The following PTPRM variants were observed in gnomAD, a reference collection of about 807,000 sequenced individuals.
PTPRM encodes the protein protein tyrosine phosphatase receptor type M.
In PTPRM, 47 loss-of-function variants were observed where a neutral mutation model predicts 186.7. The observed-to-expected ratio is 0.25, with a 90% confidence interval of 0.20 to 0.32. The LOEUF (loss-of-function observed/expected upper bound fraction) is 0.32. PTPRM is among the 10% of genes least tolerant of loss of function. The pLI, the probability that PTPRM is intolerant of heterozygous loss-of-function variation, is 1.00. For synonymous variants in PTPRM, 668 were observed against 674.9 expected, an observed-to-expected ratio of 0.99 and a Z score of 0.16; for missense variants, 1,494 against 1,865.0, an observed-to-expected ratio of 0.80 and a Z score of 3.66.
chr18:7,590,765 T>C (rs2037104873), intron 1 of PTPRM, among the ~76,000 whole-genome samples: 1 of 152,220 alleles, frequency 6.6e-6, no homozygotes, highest in Admixed American at 6.5e-5. Flanking sequence ...TTATTTAACA[T>C]GTTTATTGAA....
At chr18:8,178,804 T>TAATAAAATAA (rs146632669) in intron 14 of PTPRM, among the ~76,000 whole-genome samples, 5 of 150,988 alleles carry the variant, frequency 3.3e-5, no homozygotes, top group South Asian at 2.1e-4. Context: ...ATAATAATAA[T>TAATAAAATAA]AAAATAAAAA....
intron 19 of PTPRM, among the ~76,000 whole-genome samples, chr18:8,272,681 C>T (rs2094787481): frequency 6.6e-6 from 1 of 152,046 alleles, no homozygotes; most frequent in African/African-American, 2.4e-5. Context: ...ACATTCATTG[C>T]AATTTGTGAA....
chr18:7,791,928 AT>A (rs2043362947), intron 2 of PTPRM, among the ~76,000 whole-genome samples: 1 of 152,188 alleles, frequency 6.6e-6, no homozygotes, highest in Non-Finnish European at 1.5e-5. Context: ...CCTAAGCTTT[AT>A]ATTATTAAAC....
intron 22 of PTPRM, among the ~76,000 whole-genome samples, chr18:8,341,691 C>G (rs1371222940): frequency 2.6e-5 from 4 of 152,044 alleles, no homozygotes; most frequent in South Asian, 2.1e-4. Context: ...AGCCCCCCCC[C>G]CTTTGATTCA....
chr18:8,258,866 CAA>C (rs879602950), intron 19 of PTPRM, among the ~76,000 whole-genome samples: 2 of 139,100 alleles, frequency 1.4e-5, no homozygotes. Flanking sequence ...TCCTATTCTT[CAA>C]AAAAAAAAAA....
chr18:7,764,564 A>G (rs999146271), intron 1 of PTPRM, among the ~76,000 whole-genome samples: 8 of 152,204 alleles, frequency 5.3e-5, no homozygotes, highest in Admixed American at 1.3e-4. Context: ...ATTACCAAAC[A>G]TTAGAGTGCA....
At chr18:8,347,625 A>G (rs904825559) in intron 23 of PTPRM, among the ~76,000 whole-genome samples, 4 of 152,164 alleles carry the variant, frequency 2.6e-5, no homozygotes, top group Non-Finnish European at 4.4e-5. Flanking sequence ...CGTCACATCC[A>G]GGGTAGTCAC....
intron 2 of PTPRM, among the ~76,000 whole-genome samples, chr18:7,782,106 A>G (rs1184220779): frequency 6.6e-6 from 1 of 152,192 alleles, no homozygotes; most frequent in Non-Finnish European, 1.5e-5. Flanking sequence ...TAGAAAAATA[A>G]CTTTAGATGA....
chr18:7,702,719 T>C (rs1479789549), intron 1 of PTPRM, among the ~76,000 whole-genome samples: 6 of 152,246 alleles, frequency 3.9e-5, no homozygotes, highest in Admixed American at 3.9e-4. Flanking sequence ...TTGTCGATTT[T>C]GGCATTTGTT....
At chr18:8,399,592 G>A (rs2095861519) in intron 32 of PTPRM, 1 of 152,236 alleles carries the variant, frequency 6.6e-6, no homozygotes, top group South Asian at 2.1e-4. Flanking sequence ...CATGTCCCAA[G>A]AGTTATCTTG....
intron 31 of PTPRM, 80 bp from the exon 32 acceptor site, chr18:8,394,396 G>A (rs1035637159): frequency 2.0e-6 from 3 of 1,470,546 alleles, no homozygotes; most frequent in African/African-American, 1.4e-5. Context: ...CCAGGGTTTA[G>A]ACAGCTTGTT....
At chr18:8,385,885 G>A (rs2095769140) in intron 30 of PTPRM, among the ~76,000 whole-genome samples, 1 of 152,202 alleles carries the variant, frequency 6.6e-6, no homozygotes, top group South Asian at 2.1e-4. Flanking sequence ...ACAGTGATAG[G>A]AGAGGAGATC....
At chr18:8,240,640 AG>A (rs2094412986) in intron 14 of PTPRM, among the ~76,000 whole-genome samples, 1 of 39,384 alleles carries the variant, frequency 2.5e-5, no homozygotes, top group Non-Finnish European at 5.5e-5. Context: ...AGAGAGAGAG[AG>A]AGAGAGAGAG....
Position 7,609,791 on chromosome 18 carries a change from T to A in PTPRM, c.73+41900T>A, listed in dbSNP as rs188653587. 7.0e-4 allele frequency among the ~76,000 whole-genome samples: 107 copies of A among 152,230 alleles called. 2 individuals are homozygous for A. Among genetic ancestry groups the A allele is most frequent in the Non-Finnish European group, 8.8e-5 (6 of 68,034 alleles). On this transcript the variant is annotated intron_variant, in intron 1 of 32. Coordinates refer to ENST00000580170, the MANE Select transcript of PTPRM (RefSeq NM_001105244.2). ...TTAGCCTTGAGTTAGGGAGAGTATT[T>A]CCACAGAGGTGAGAAGGTAGTTCCC...
At chr18:8,235,694 A>C (rs1361922360) in intron 14 of PTPRM, among the ~76,000 whole-genome samples, 3 of 151,826 alleles carry the variant, frequency 2.0e-5, no homozygotes, top group African/African-American at 7.3e-5. Flanking sequence ...CTTTTTGTCT[A>C]ATATGTGCAT....
intron 7 of PTPRM, among the ~76,000 whole-genome samples, chr18:8,066,805 T>C (rs113757038): frequency 5.3e-5 from 8 of 152,322 alleles, no homozygotes; most frequent in African/African-American, 1.9e-4. Flanking sequence ...ATAGGCAATT[T>C]AGAGCCTTTG....
At chr18:8,043,834 G>A (rs750290588) in intron 7 of PTPRM, among the ~76,000 whole-genome samples, 2 of 152,138 alleles carry the variant, frequency 1.3e-5, no homozygotes, top group African/African-American at 2.4e-5. Context: ...GGGAGGGGGC[G>A]AGCTGGGTCT....
chr18:7,604,530 G>C (rs2037483414), intron 1 of PTPRM, among the ~76,000 whole-genome samples: 1 of 152,254 alleles, frequency 6.6e-6, no homozygotes, highest in Admixed American at 6.5e-5. Context: ...CCCTGGAGGG[G>C]CTGCATGGGG....
chr18:7,746,768 A>T (rs943911531), intron 1 of PTPRM, among the ~76,000 whole-genome samples: 1 of 152,118 alleles, frequency 6.6e-6, no homozygotes, highest in African/African-American at 2.4e-5. Context: ...ACCTGGCCCC[A>T]TCATAGTCTT....
Sources: gnomAD v4.1 joint callset for allele counts (sites outside exome capture counted in the v4.1 genomes callset) on GRCh38, gnomAD v4.1.1 for gene constraint, MANE v1.5 for transcripts, NCBI Gene and HGNC (gene_info 2026-07-23, HGNC 2026-07-21) for gene names.